Variants in OR1J2 observed in about 807,000 individuals in gnomAD.
OR1J2 encodes the protein olfactory receptor family 1 subfamily J member 2.
For missense variants in OR1J2, 304 were observed against 246.1 expected (o/e 1.24, Z -1.57); for synonymous variants, 142 against 99.7 (o/e 1.42, Z -2.52).
the OR1J2 span, among the ~76,000 whole-genome samples, chr9:122,536,664 C>A: frequency 5.3e-5 from 8 of 152,148 alleles, no homozygotes; most frequent in Non-Finnish European, 7.4e-5. Flanking sequence ...AATATTCTCC[C>A]AGACTCTTGA....
chr9:122,523,331 AG>A, the OR1J2 span, among the ~76,000 whole-genome samples: 1 of 152,064 alleles, frequency 6.6e-6, no homozygotes, highest in Admixed American at 6.6e-5. Flanking sequence ...CTATATTGTG[AG>A]GGGGGTAGAT....
the OR1J2 span, among the ~76,000 whole-genome samples, chr9:122,504,666 T>A: frequency 3.7e-4 from 56 of 152,314 alleles, no homozygotes; most frequent in Admixed American, 2.0e-3. Flanking sequence ...TCTCTGTCTG[T>A]AATGCGTCAG....
chr9:122,475,772 T>C, the OR1J2 span: 4 of 152,332 alleles, frequency 2.6e-5, no homozygotes, highest in African/African-American at 4.8e-5. Context: ...CAGAACAAGA[T>C]AAAACCTTGT....
chr9:122,526,426 G>A, the OR1J2 span: 2 of 1,521,176 alleles, frequency 1.3e-6, no homozygotes, highest in Admixed American at 4.5e-5. Flanking sequence ...TTGTTCCTTA[G>A]GCTATAGATA....
downstream of OR1J2, among the ~76,000 whole-genome samples, chr9:122,515,311 A>C (rs1828684113): frequency 6.7e-6 from 1 of 150,268 alleles, no homozygotes; most frequent in Non-Finnish European, 1.5e-5. Context: ...ACTTGAGCAT[A>C]AAGTTCAGAT....
chr9:122,530,000 G>T, the OR1J2 span, among the ~76,000 whole-genome samples: 1 of 152,142 alleles, frequency 6.6e-6, no homozygotes, highest in Non-Finnish European at 1.5e-5. Flanking sequence ...TGAAATGAGG[G>T]TACAGGATCA....
the OR1J2 span, among the ~76,000 whole-genome samples, chr9:122,474,470 A>G: frequency 6.6e-6 from 1 of 152,180 alleles, no homozygotes; most frequent in Non-Finnish European, 1.5e-5. Context: ...GCACCAAAGG[A>G]CAATTCAAAC....
chr9:122,471,604 A>G, the OR1J2 span, among the ~76,000 whole-genome samples: 2 of 152,226 alleles, frequency 1.3e-5, no homozygotes, highest in African/African-American at 4.8e-5. Flanking sequence ...ATTAGATGCT[A>G]TACAGTTACC....
chr9:122,564,948 G>A, the OR1J2 span, among the ~76,000 whole-genome samples: 31 of 143,584 alleles, frequency 2.2e-4, no homozygotes, highest in African/African-American at 7.7e-4. Flanking sequence ...ATAACATTGT[G>A]CCAATTAGAC....
chr9:122,460,109 G>T, the OR1J2 span, among the ~76,000 whole-genome samples: 1 of 151,868 alleles, frequency 6.6e-6, no homozygotes, highest in Non-Finnish European at 1.5e-5. Flanking sequence ...CCAAGTTGCT[G>T]CAAATGCCAT....
the OR1J2 span, chr9:122,526,940 A>G: frequency 2.7e-3 from 4,289 of 1,614,190 alleles, 161 homozygotes; most frequent in Admixed American, 0.066. Flanking sequence ...CATAGCGGTC[A>G]TACGCCATGG....
the OR1J2 span, among the ~76,000 whole-genome samples, chr9:122,455,602 C>G: frequency 6.6e-6 from 1 of 152,040 alleles, no homozygotes; most frequent in Non-Finnish European, 1.5e-5. Context: ...GATAAGATAT[C>G]GATATCCTTA....
the OR1J2 span, among the ~76,000 whole-genome samples, chr9:122,549,356 A>G: frequency 6.6e-6 from 1 of 152,196 alleles, no homozygotes; most frequent in Non-Finnish European, 1.5e-5. Flanking sequence ...TACAGCCTGC[A>G]GAACCATGGG....
At chr9:122,552,184 T>A in the OR1J2 span, among the ~76,000 whole-genome samples, 1 of 151,330 alleles carries the variant, frequency 6.6e-6, no homozygotes, top group African/African-American at 2.4e-5. Context: ...CAGAAGCTTC[T>A]CTATGAACCA....
chr9:122,529,452 G>A, the OR1J2 span, among the ~76,000 whole-genome samples: 1 of 152,244 alleles, frequency 6.6e-6, no homozygotes, highest in East Asian at 1.9e-4. Flanking sequence ...CCTTAATCAG[G>A]CTATTTCTAT....
chr9:122,488,442 A>G, the OR1J2 span, among the ~76,000 whole-genome samples: 359 of 152,328 alleles, frequency 2.4e-3, no homozygotes, highest in African/African-American at 8.0e-3. Context: ...CCTGGCCTAT[A>G]CAGACTTCCT....
the OR1J2 span, among the ~76,000 whole-genome samples, chr9:122,542,313 T>C: frequency 6.6e-6 from 1 of 152,334 alleles, no homozygotes; most frequent in East Asian, 1.9e-4. Context: ...AAACATTTTG[T>C]GGGACATTTC....
chr9:122,466,122 T>C, the OR1J2 span, among the ~76,000 whole-genome samples: 86 of 152,286 alleles, frequency 5.6e-4, no homozygotes, highest in African/African-American at 2.0e-3. Context: ...AGGCCCAATA[T>C]TGAATGGCCC....
the OR1J2 span, among the ~76,000 whole-genome samples, chr9:122,576,214 CTT>C: frequency 6.6e-6 from 1 of 150,768 alleles, no homozygotes; most frequent in Non-Finnish European, 1.5e-5. Context: ...GTAACATTTT[CTT>C]TTTTACATTT....
Sources: gnomAD v4.1 joint callset for allele counts (sites outside exome capture counted in the v4.1 genomes callset) on GRCh38, gnomAD v4.1.1 for gene constraint, MANE v1.5 for transcripts, NCBI Gene and HGNC (gene_info 2026-07-23, HGNC 2026-07-21) for gene names.